Variants in GALC observed in about 807,000 individuals in gnomAD.
GALC encodes galactocerebrosidase.
A neutral mutation model predicts 91.8 loss-of-function variants in GALC; 77 were observed. The ratio of observed to expected loss-of-function variants is 0.84; its 90% confidence interval spans 0.70 to 1.01. GALC has a LOEUF of 1.01. Among genes scored for constraint, GALC ranks in the 50% least tolerant of loss-of-function variants. GALC has a pLI of 0.00. For synonymous variants in GALC, 357 were observed against 306.7 expected (o/e 1.16, Z -1.71); for missense variants, 882 against 855.9 (o/e 1.03, Z -0.38).
At chr14:87,947,663 G>T in intron 13 of GALC, 65 bp downstream of exon 13, 2 of 1,482,866 alleles carry the variant, frequency 1.3e-6, no homozygotes, top group East Asian at 2.3e-5. Flanking sequence ...CAGTTTGACA[G>T]GTAGAAATCA....
intron 10 of GALC, chr14:87,954,438 A>AC (rs752815604): frequency 8.8e-6 from 14 of 1,590,660 alleles, no homozygotes; most frequent in Non-Finnish European, 1.2e-5. Flanking sequence ...CCTCAACTGC[A>AC]AAGGAAAAAA....
intron 10 of GALC, among the ~76,000 whole-genome samples, chr14:87,951,578 C>T (rs2139965778): frequency 6.6e-6 from 1 of 151,928 alleles, no homozygotes; most frequent in African/African-American, 2.4e-5. Flanking sequence ...CAAACTACAC[C>T]ATACTCTGAT....
chr14:87,971,072 C>A (rs1886274484), intron 7 of GALC, among the ~76,000 whole-genome samples: 1 of 151,982 alleles, frequency 6.6e-6, no homozygotes, highest in South Asian at 2.1e-4. Context: ...CTGGCCAAGG[C>A]AGAACATGAC....
chr14:87,949,747 C>T (rs1285551181), intron 12 of GALC, 98 bp downstream of exon 12: 6 of 693,314 alleles, frequency 8.7e-6, no homozygotes, highest in Non-Finnish European at 1.3e-5. Flanking sequence ...AACACACAAA[C>T]TTATAAAAAT....
rs34362748 is a variant in GALC, at chr14:87,976,368, C to T, written c.742G>A (p.Asp248Asn). 228,490 of 1,613,138 alleles carry T rather than the reference C, an allele frequency of 0.14. 17,561 individuals are homozygous for T. The highest frequency in any genetic ancestry group is 0.16 in the Middle Eastern group (971 of 6,060). ...LLDAELFKVV[D>N]VIGAHYPGTH... ...TAAAACATGCCTTACCCTATAACAT[C>T]AACCACCTTGAAGAGTTCGGCATCA... Residue 248 changes from aspartate to asparagine, a missense_variant, in exon 7 of 17, where the codon GAT becomes AAT. Asp to Asn is a conservative substitution (Grantham distance 23). Coordinates refer to ENST00000261304, the MANE Select transcript of GALC (RefSeq NM_000153.4).
chr14:87,954,357 T>C (rs1323977953), intron 10 of GALC: 8 of 1,601,952 alleles, frequency 5.0e-6, no homozygotes, highest in Non-Finnish European at 6.0e-6. Context: ...GAAAAAGTTA[T>C]GTTAACAGTG....
chr14:87,976,051 T>C (rs1400189947), intron 7 of GALC, among the ~76,000 whole-genome samples: 6 of 152,222 alleles, frequency 3.9e-5, no homozygotes, highest in Non-Finnish European at 5.9e-5. Context: ...CAACTTTGCC[T>C]TTATAATTTC....
Position 87,934,228 on chromosome 14 carries a change from A to G in GALC, c.*504T>C. 2 of 1,379,264 alleles carry G rather than the reference A, an allele frequency of 1.5e-6. No homozygotes were observed. The highest frequency in any genetic ancestry group is 3.3e-5 in the South Asian group (2 of 60,146). 85.4% of individuals were successfully genotyped at this position (1,379,264 alleles called of 1,614,324 possible). ...AATAAAAAAATACTTTTTAGAGCAT[A>G]AAGCATAACAGGTTGAAGTGGTTTT... On this transcript the variant is annotated 3_prime_UTR_variant, in exon 17 of 17. Transcript: ENST00000261304.
intron 12 of GALC, among the ~76,000 whole-genome samples, chr14:87,949,552 T>C (rs1885218284): frequency 6.6e-6 from 1 of 151,782 alleles, no homozygotes; most frequent in Admixed American, 6.6e-5. Flanking sequence ...TAATGGAGAA[T>C]AAGGAGTGAG....
intron 8 of GALC, among the ~76,000 whole-genome samples, chr14:87,966,559 A>C (rs549283830): frequency 6.6e-6 from 1 of 152,274 alleles, no homozygotes; most frequent in East Asian, 1.9e-4. Flanking sequence ...TATCAGTACA[A>C]AGTAGAAATA....
At chr14:87,959,296 G>T (rs140191650) in intron 10 of GALC, among the ~76,000 whole-genome samples, 55 of 152,192 alleles carry the variant, frequency 3.6e-4, no homozygotes, top group Admixed American at 3.2e-3. Context: ...ACTTAGAATG[G>T]CTATTACCAA....
At chr14:87,960,753 C>G (rs879036657) in intron 10 of GALC, among the ~76,000 whole-genome samples, 4 of 152,026 alleles carry the variant, frequency 2.6e-5, no homozygotes, top group Admixed American at 1.3e-4. Flanking sequence ...AAAAATAGTG[C>G]AGGGACAACT....
chr14:87,944,168 A>G (rs908124222), intron 14 of GALC, among the ~76,000 whole-genome samples: 21 of 151,960 alleles, frequency 1.4e-4, no homozygotes, highest in African/African-American at 5.1e-4. Context: ...ATGTATATGA[A>G]GATTCAAATA....
At chr14:87,991,646 A>C (rs556017772) in intron 1 of GALC, among the ~76,000 whole-genome samples, 2 of 152,316 alleles carry the variant, frequency 1.3e-5, no homozygotes, top group South Asian at 4.1e-4. Context: ...TGCAAATATA[A>C]TGTTGCAAGA....
At chr14:87,946,900 G>C (rs1885095638) in intron 13 of GALC, among the ~76,000 whole-genome samples, 1 of 151,866 alleles carries the variant, frequency 6.6e-6, no homozygotes, top group Admixed American at 6.6e-5. Context: ...ATCATTTCCT[G>C]AGAAAGGGAG....
At position 87,954,263 on chromosome 14, in the gene GALC, T is replaced by A. The variant is rs1885426341; in HGVS notation, c.1162-3515A>T. 3 of 1,536,134 alleles carry A rather than the reference T, an allele frequency of 2.0e-6. No individual in the cohort carries two copies. In the African/African-American group the frequency reaches 4.1e-5, roughly 21 times the overall value. On this transcript the variant is annotated intron_variant, in intron 10 of 16. Transcript: ENST00000261304. Reference sequence around the variant, plus strand: ...TTATAGAATTGGAGCACCTTCAGCCTGATGTATTAGTCCACACAATACTAA... The same window carrying A: ...TTATAGAATTGGAGCACCTTCAGCCAGATGTATTAGTCCACACAATACTAA...
chr14:87,993,273 C>A, upstream of GALC: 1 of 1,537,140 alleles, frequency 6.5e-7, no homozygotes, highest in Non-Finnish European at 8.7e-7. Flanking sequence ...ATTTTGAGTG[C>A]GGGTCAAGGG....
At chr14:87,937,554 CAA>C (rs1186549313) in intron 16 of GALC, among the ~76,000 whole-genome samples, 1 of 151,728 alleles carries the variant, frequency 6.6e-6, no homozygotes, top group African/African-American at 2.4e-5. Flanking sequence ...AGTAGCAAGA[CAA>C]GAGCCAATTT....
At chr14:87,940,364 G>A (rs1884783673) in intron 15 of GALC, among the ~76,000 whole-genome samples, 1 of 151,882 alleles carries the variant, frequency 6.6e-6, no homozygotes, top group Non-Finnish European at 1.5e-5. Context: ...AGTCTAATTG[G>A]TCACATGGTA....
Sources: allele counts gnomAD v4.1 joint callset (sites outside exome capture counted in the v4.1 genomes callset), GRCh38; gene constraint gnomAD v4.1.1; transcripts MANE v1.5; gene names NCBI Gene and HGNC (gene_info 2026-07-23, HGNC 2026-07-21).